The following TNC variants were observed in gnomAD, a reference collection of about 807,000 sequenced individuals.
TNC encodes tenascin.
In TNC, 109 loss-of-function variants were observed where a neutral mutation model predicts 202.4. The ratio of observed to expected loss-of-function variants is 0.54; its 90% CI spans 0.46 to 0.63. TNC has a LOEUF of 0.63. Ranked by LOEUF, TNC falls within the 30% of genes least tolerant of loss-of-function variation. TNC has a pLI of 0.00. For synonymous variants in TNC, 1,007 were observed against 1,089.7 expected, an observed-to-expected ratio of 0.92 and a Z score of 1.50; for missense variants, 2,756 against 2,833.3, an observed-to-expected ratio of 0.97 and a Z score of 0.62.
chr9:115,055,922 T>C (rs1039785423), intron 15 of TNC, among the ~76,000 whole-genome samples: 16 of 152,148 alleles, frequency 1.1e-4, no homozygotes, highest in Admixed American at 1.0e-3. Flanking sequence ...AACAAACATA[T>C]ATGTTTGCCT....
chr9:115,083,766 G>C (rs1023997882), intron 4 of TNC, among the ~76,000 whole-genome samples: 1 of 152,016 alleles, frequency 6.6e-6, no homozygotes, highest in African/African-American at 2.4e-5. Context: ...CACCAGGCCC[G>C]ACTAATTTTT....
chr9:115,110,691 CACTG>C (rs1174676464), intron 1 of TNC, among the ~76,000 whole-genome samples: 1 of 152,208 alleles, frequency 6.6e-6, no homozygotes, highest in Non-Finnish European at 1.5e-5. Context: ...GTTTTGGTCA[CACTG>C]ACTGTCTTGC....
chr9:115,029,299 GAA>G (rs1829772022), intron 25 of TNC, 59 bp downstream of exon 25: 8 of 1,508,910 alleles, frequency 5.3e-6, no homozygotes, highest in Non-Finnish European at 7.4e-6. Flanking sequence ...TGTGGGTTAG[GAA>G]AAGTGACAAG....
In TNC at chr9:115,073,854, G is replaced by A; in HGVS notation, c.2963C>T (p.Pro988Leu). 6.2e-7 allele frequency: 1 copy of A among 1,610,530 alleles called. No homozygotes were observed. ...AGTTTCAGAAACCTGAAGGTCCTTGGGCGTGTCCAACTCTGGGAGGAGAAC... is the reference window on the plus strand; with the variant it reads ...AGTTTCAGAAACCTGAAGGTCCTTGAGCGTGTCCAACTCTGGGAGGAGAAC... Reference protein sequence around the residue: ...TINAATELDTPKDLQVSETAE... With the variant: ...TINAATELDTLKDLQVSETAE... Residue 988 changes from proline to leucine, a missense_variant, in exon 10 of 28, where the codon CCC becomes CTC. Coordinates refer to ENST00000350763, the MANE Select transcript of TNC (RefSeq NM_002160.4).
At chr9:115,106,458 G>C (rs1008548315) in intron 1 of TNC, among the ~76,000 whole-genome samples, 5 of 152,192 alleles carry the variant, frequency 3.3e-5, no homozygotes, top group African/African-American at 9.7e-5. Context: ...GAATAGAGTT[G>C]TTGGATTTGC....
chr9:115,088,060 G>A (rs1015411782), intron 2 of TNC, among the ~76,000 whole-genome samples: 7 of 152,176 alleles, frequency 4.6e-5, no homozygotes, highest in Non-Finnish European at 7.3e-5. Context: ...AGATGCCCAA[G>A]AAATAGTTGT....
At position 115,081,802 on chromosome 9, in the gene TNC, C is replaced by T. The variant is rs150868783; in HGVS notation, c.2374G>A (p.Gly792Ser). 2.5e-6 allele frequency: 4 copies of T among 1,613,486 alleles called. No homozygotes were observed. The highest frequency in any genetic ancestry group is 3.4e-6 in the Non-Finnish European group (4 of 1,179,896). Residue 792 changes from glycine to serine, a missense_variant, in exon 6 of 28, where the codon GGC becomes AGC. Transcript: ENST00000350763. The part of the protein sequence containing the change: ...SLHIVKNNTR[G>S]PGLKRVTTTR... ...GTGGTCACCCTCTTCAGGCCAGGGC[C>T]CCGGGTATTGTTTTTCACTATGTGC... is the stretch of plus-strand genomic sequence containing the variant.
intron 25 of TNC, 67 bp from the exon 26 acceptor site, chr9:115,026,762 T>G: frequency 2.6e-6 from 4 of 1,545,586 alleles, no homozygotes; most frequent in Non-Finnish European, 3.5e-6. Flanking sequence ...TATTTCACTC[T>G]GTAAAAGCGG....
At chr9:115,104,544 G>A (rs955467970) in intron 1 of TNC, among the ~76,000 whole-genome samples, 1 of 152,146 alleles carries the variant, frequency 6.6e-6, no homozygotes, top group African/African-American at 2.4e-5. Context: ...GGGAGCCTTG[G>A]ACAACGTCCT....
intron 13 of TNC, among the ~76,000 whole-genome samples, chr9:115,062,210 T>C (rs1005417155): frequency 1.3e-5 from 2 of 152,260 alleles, no homozygotes; most frequent in African/African-American, 2.4e-5. Context: ...TACTAAGCAC[T>C]GACATTCATT....
chr9:115,048,183 G>A, intron 16 of TNC, 77 bp downstream of exon 16: 2 of 1,532,752 alleles, frequency 1.3e-6, no homozygotes, highest in Non-Finnish European at 1.8e-6. Flanking sequence ...AGATGTTAAA[G>A]TCATGGCGAT....
intron 17 of TNC, among the ~76,000 whole-genome samples, chr9:115,045,361 C>G (rs1445643768): frequency 6.6e-6 from 1 of 151,826 alleles, no homozygotes; most frequent in Non-Finnish European, 1.5e-5. Context: ...CATATTATTA[C>G]TACTGTTATT....
At chr9:115,112,087 TC>T (rs1278220410) in intron 1 of TNC, among the ~76,000 whole-genome samples, 6 of 152,206 alleles carry the variant, frequency 3.9e-5, no homozygotes, top group Non-Finnish European at 7.3e-5. Flanking sequence ...CATCCTTGGC[TC>T]GGTCCGTGTG....
chr9:115,075,240 A>G lies in TNC; in HGVS notation c.2950+792T>C, dbSNP rs78711244. On this transcript the variant is annotated intron_variant, in intron 9 of 27. Coordinates refer to ENST00000350763, the MANE Select transcript of TNC (RefSeq NM_002160.4). Reference sequence around the variant, plus strand: ...CTTGAGGAAAGAATCAATGACCTCAAATCAGGTAGCCCCTCAGCATCCTCA... The same window carrying G: ...CTTGAGGAAAGAATCAATGACCTCAGATCAGGTAGCCCCTCAGCATCCTCA... 5.5e-3 allele frequency among the ~76,000 whole-genome samples: 845 copies of G among 152,258 alleles called. 7 individuals carry two copies. Among genetic ancestry groups the G allele is most frequent in the African/African-American group, 0.02 (814 of 41,532 alleles).
At chr9:115,035,400 G>A (rs1424060777) in intron 21 of TNC, 66 bp from the exon 22 acceptor site, 4 of 1,534,394 alleles carry the variant, frequency 2.6e-6, no homozygotes, top group Non-Finnish European at 3.5e-6. Context: ...TTCGGGCTGG[G>A]TATCAAGAAG....
rs1359085885 is a variant in TNC, at chr9:115,042,193, C to G, written c.5248+26G>C. On this transcript the variant is annotated intron_variant, in intron 18 of 27. Coordinates refer to ENST00000350763, the MANE Select transcript of TNC (RefSeq NM_002160.4). ...CATCCAAACCCACAACACTCCTCCTCTCTCTCCCCTTTCCGAGTCTCCTAC... is the reference window on the plus strand; with the variant it reads ...CATCCAAACCCACAACACTCCTCCTGTCTCTCCCCTTTCCGAGTCTCCTAC... The G allele has an allele frequency of 8.1e-6, 13 of 1,610,940 alleles. No homozygotes were observed. In the Admixed American group the frequency reaches 1.7e-4, roughly 21 times the overall value.
At chr9:115,081,465 G>A (rs1286266968) in intron 6 of TNC, among the ~76,000 whole-genome samples, 1 of 152,234 alleles carries the variant, frequency 6.6e-6, no homozygotes, top group Non-Finnish European at 1.5e-5. Flanking sequence ...CAGCATCCTG[G>A]AGAATGAGAG....
intron 1 of TNC, 39 bp from the exon 2 acceptor site, chr9:115,091,193 C>A (rs1835204900): frequency 3.3e-6 from 2 of 600,938 alleles, no homozygotes. Flanking sequence ...TGAGTATCTA[C>A]TATTGAATAT....
chr9:115,044,352 G>T (rs964694360), intron 17 of TNC, among the ~76,000 whole-genome samples: 1 of 150,240 alleles, frequency 6.7e-6, no homozygotes, highest in Non-Finnish European at 1.5e-5. Flanking sequence ...CCCCTTTCCT[G>T]TCTTCTCCTG....
Sources: gnomAD v4.1 joint callset for allele counts (sites outside exome capture counted in the v4.1 genomes callset) on GRCh38, gnomAD v4.1.1 for gene constraint, MANE v1.5 for transcripts, NCBI Gene and HGNC (gene_info 2026-07-23, HGNC 2026-07-21) for gene names.